The following TTLL11 variants were observed in gnomAD, a reference collection of about 807,000 sequenced individuals.
TTLL11 encodes tubulin polyglutamylase TTLL11.
Under a neutral mutation model 51.7 loss-of-function variants are expected in TTLL11, and 42 were observed. That is an observed-to-expected ratio of 0.81 (90% CI 0.64 to 1.05). The LOEUF is 1.05. TTLL11 is among the 50% of genes least tolerant of loss of function. TTLL11 has a pLI of 0.00. For missense variants in TTLL11, 799 were observed against 940.4 expected, an observed-to-expected ratio of 0.85 and a Z score of 1.97; for synonymous variants, 381 against 383.5, an observed-to-expected ratio of 0.99 and a Z score of 0.08.
At chr9:121,900,476 T>C (rs903331226) in intron 6 of TTLL11, among the ~76,000 whole-genome samples, 2 of 152,206 alleles carry the variant, frequency 1.3e-5, no homozygotes, top group Non-Finnish European at 2.9e-5. Context: ...TTTCTTTTTA[T>C]TTTGCTTGAA....
intron 6 of TTLL11, among the ~76,000 whole-genome samples, chr9:121,923,821 T>A (rs1301515981): frequency 6.6e-6 from 1 of 152,234 alleles, no homozygotes; most frequent in Non-Finnish European, 1.5e-5. Context: ...TCATTTTTTT[T>A]AACTGCATTT....
At chr9:122,065,977 TG>T (rs1845572147) in intron 1 of TTLL11, among the ~76,000 whole-genome samples, 2 of 152,034 alleles carry the variant, frequency 1.3e-5, no homozygotes, top group Non-Finnish European at 2.9e-5. Flanking sequence ...CCCTTCCCAG[TG>T]TACAGTGGAT....
intron 8 of TTLL11, among the ~76,000 whole-genome samples, chr9:121,837,559 C>T (rs769472857): frequency 2.6e-5 from 4 of 152,096 alleles, no homozygotes; most frequent in African/African-American, 4.8e-5. Flanking sequence ...TGTCTACAGT[C>T]GGTCCTGATT....
intron 6 of TTLL11, among the ~76,000 whole-genome samples, chr9:121,888,149 A>G (rs1234512534): frequency 6.6e-6 from 1 of 152,166 alleles, no homozygotes; most frequent in African/African-American, 2.4e-5. Flanking sequence ...GGTTAAGCCC[A>G]TCCTGGCTGA....
chr9:122,031,934 AAACCACCCACCCGACATATTCTCTTTTT>A, intron 2 of TTLL11, 78 bp from the exon 3 acceptor site: 1 of 1,529,158 alleles, frequency 6.5e-7, no homozygotes, highest in South Asian at 1.3e-5. Context: ...GGGACTTTTA[AAACCACCCACCCGACATATTCTCTTTTT>A]CAGGCAGGAT....
intron 6 of TTLL11, among the ~76,000 whole-genome samples, chr9:121,956,471 C>G (rs1842019172): frequency 1.3e-5 from 2 of 152,202 alleles, no homozygotes; most frequent in African/African-American, 4.8e-5. Context: ...TATGTGACAC[C>G]TACGAGTAGA....
In TTLL11 at chr9:121,897,640, A is replaced by ACACG. The variant is rs111331446; in HGVS notation, c.1482-26893_1482-26892insCGTG. ...CAGGCACACACACACACACACACAC[A>ACACG]CGCGCGCGCGAAGTCTCCAACTGCC... is the stretch of plus-strand genomic sequence containing the variant. On this transcript the variant is annotated intron_variant, in intron 6 of 8. Transcript: ENST00000321582. Among the ~76,000 whole-genome samples the ACACG allele has an allele frequency of 9.3e-4, 129 of 139,322 alleles. 1 individual carries two copies. In the Middle Eastern group the frequency reaches 0.015, roughly 16 times the overall value. The allele number at this position is 139,322 out of a possible 152,430, so 91.4% of individuals were successfully genotyped here.
At chr9:121,871,508 C>T (rs1227432009) in intron 6 of TTLL11, among the ~76,000 whole-genome samples, 1 of 152,170 alleles carries the variant, frequency 6.6e-6, no homozygotes, top group East Asian at 1.9e-4. Context: ...GTTCTGCCTC[C>T]TTAGTCCTGA....
chr9:121,826,537 G>A (rs191903176), intron 8 of TTLL11, among the ~76,000 whole-genome samples: 4,699 of 46,870 alleles, frequency 0.1, 312 homozygotes, highest in Middle Eastern at 0.18. Flanking sequence ...ATGTGTGTGT[G>A]TATATATATA....
At chr9:121,906,715 G>A (rs376598568) in intron 6 of TTLL11, among the ~76,000 whole-genome samples, 8 of 152,136 alleles carry the variant, frequency 5.3e-5, no homozygotes, top group South Asian at 2.1e-4. Context: ...CCCAGAGGGT[G>A]TACATGAGCA....
intron 6 of TTLL11, among the ~76,000 whole-genome samples, chr9:121,954,658 GCA>G (rs796092810): frequency 4.0e-4 from 56 of 140,108 alleles, no homozygotes; most frequent in Admixed American, 1.5e-3. Context: ...TTCAGTGCAA[GCA>G]CACACACACA....
At chr9:121,860,928 C>A (rs1837986929) in intron 7 of TTLL11, among the ~76,000 whole-genome samples, 1 of 152,196 alleles carries the variant, frequency 6.6e-6, no homozygotes, top group African/African-American at 2.4e-5. Flanking sequence ...TCCCTTACCA[C>A]AGCTGGAACT....
intron 6 of TTLL11, among the ~76,000 whole-genome samples, chr9:121,905,515 C>T (rs190099369): frequency 1.3e-5 from 2 of 152,156 alleles, no homozygotes; most frequent in African/African-American, 4.8e-5. Flanking sequence ...TCAAGCCTGG[C>T]TAATTTTTTG....
At chr9:122,061,158 T>C (rs542463412) in intron 1 of TTLL11, among the ~76,000 whole-genome samples, 4 of 152,330 alleles carry the variant, frequency 2.6e-5, no homozygotes, top group Admixed American at 2.6e-4. Flanking sequence ...CCTCTCCATA[T>C]GTCTGTCTTC....
At chr9:121,915,980 G>GACACACAC (rs1345897073) in intron 6 of TTLL11, among the ~76,000 whole-genome samples, 4 of 98,604 alleles carry the variant, frequency 4.1e-5, no homozygotes, top group Non-Finnish European at 4.0e-5. Context: ...TATAGACAAA[G>GACACACAC]ACACACACAT....
intron 8 of TTLL11, among the ~76,000 whole-genome samples, chr9:121,838,781 AAAGCAAGCAAGC>A (rs55715366): frequency 4.0e-4 from 56 of 140,000 alleles, no homozygotes; most frequent in South Asian, 6.8e-4. Context: ...AGCAAGCAAG[AAAGCAAGCAAGC>A]AAGCAAGCAA....
chr9:122,057,764 C>T (rs966859084), intron 1 of TTLL11, among the ~76,000 whole-genome samples: 1 of 152,186 alleles, frequency 6.6e-6, no homozygotes, highest in Non-Finnish European at 1.5e-5. Flanking sequence ...CACACCTCTC[C>T]CTCTGGTGGT....
chr9:121,984,472 T>C (rs1432970277), intron 4 of TTLL11, among the ~76,000 whole-genome samples: 1 of 152,184 alleles, frequency 6.6e-6, no homozygotes, highest in African/African-American at 2.4e-5. Flanking sequence ...GGTCTCTAAC[T>C]GCAGATAAGG....
intron 3 of TTLL11, among the ~76,000 whole-genome samples, chr9:122,024,441 A>T (rs556495997): frequency 1.3e-5 from 2 of 152,290 alleles, no homozygotes; most frequent in South Asian, 4.1e-4. Flanking sequence ...AGCTGATTCT[A>T]TATTTCATAT....
Sources: allele counts gnomAD v4.1 joint callset (sites outside exome capture counted in the v4.1 genomes callset), GRCh38; gene constraint gnomAD v4.1.1; transcripts MANE v1.5; gene names NCBI Gene and HGNC (gene_info 2026-07-23, HGNC 2026-07-21).